NELL2: variants seen among roughly 807,000 people sequenced by gnomAD.
NELL2 encodes the protein neural EGFL like 2, also known as protein kinase C-binding protein NELL2.
Under a neutral mutation model 109.6 loss-of-function variants are expected in NELL2, and 41 were observed. That is an observed-to-expected ratio of 0.37 (90% CI 0.29 to 0.49). NELL2 has a LOEUF of 0.49. Ranked by LOEUF, NELL2 falls within the 20% of genes least tolerant of loss-of-function variation. The probability of loss-of-function intolerance (pLI) is 0.98; values close to 1 mark genes in which losing one functional copy is unlikely to be tolerated. For missense variants in NELL2, 900 were observed against 1,008.3 expected (o/e 0.89, Z 1.45); for synonymous variants, 355 against 344.7 (o/e 1.03, Z -0.33).
At chr12:44,674,206 T>C (rs1174766248) in intron 12 of NELL2, among the ~76,000 whole-genome samples, 1 of 152,168 alleles carries the variant, frequency 6.6e-6, no homozygotes, top group African/African-American at 2.4e-5. Context: ...GTGATATAAA[T>C]AATTTTCTGA....
rs200038651 is a variant in NELL2, at chr12:44,771,346, T to TTAA, written c.994+3400_994+3401insTTA. Among the ~76,000 whole-genome samples the TTAA allele has an allele frequency of 1.8e-3, 256 of 143,970 alleles. 1 individual carries two copies. The highest frequency in any genetic ancestry group is 7.3e-3 in the South Asian group (33 of 4,490). 94.4% of individuals were successfully genotyped at this position (143,970 alleles called of 152,430 possible). A position where few individuals can be genotyped will look rare whatever the true frequency, so the allele number is the denominator to read the frequency against. Reference sequence around the variant, plus strand: ...GATTAATTATAACAGATGGTTTTTTTAAAAAAAAAAAAGGAAAGCAGGCTG... The same window carrying TTAA: ...GATTAATTATAACAGATGGTTTTTTTTAAAAAAAAAAAAAAGGAAAGCAGGCTG... On this transcript the variant is annotated intron_variant, in intron 9 of 19. Coordinates refer to ENST00000429094, the MANE Select transcript of NELL2 (RefSeq NM_001145108.2).
At chr12:44,740,633 A>G (rs914355111) in intron 9 of NELL2, among the ~76,000 whole-genome samples, 10 of 152,206 alleles carry the variant, frequency 6.6e-5, no homozygotes, top group Non-Finnish European at 1.3e-4. Flanking sequence ...ATAAGGTTAA[A>G]AAGTATAAAT....
In NELL2 at chr12:44,697,024, A is replaced by G. The variant is rs1219742285; in HGVS notation, c.1318+6702T>C. The stretch of plus-strand genomic sequence containing the variant: ...GTAGGCTCTTGGAAATGGCAACTTT[A>G]AATGAAATGGCATATAACGAATGTA... On this transcript the variant is annotated intron_variant, in intron 12 of 19. Transcript: ENST00000429094. Among the ~76,000 whole-genome samples, 3 of 152,208 alleles carry G rather than the reference A, an allele frequency of 2.0e-5. No homozygotes were observed. In the East Asian group the frequency reaches 5.8e-4, roughly 29 times the overall value.
chr12:44,737,651 C>T (rs939797669), intron 9 of NELL2, among the ~76,000 whole-genome samples: 3 of 152,100 alleles, frequency 2.0e-5, no homozygotes, highest in African/African-American at 7.2e-5. Flanking sequence ...GATCAACCTG[C>T]ATCATTAAAT....
At chr12:44,753,069 T>C (rs1055501359) in intron 9 of NELL2, among the ~76,000 whole-genome samples, 1 of 152,140 alleles carries the variant, frequency 6.6e-6, no homozygotes, top group Non-Finnish European at 1.5e-5. Context: ...ATCAAGCACA[T>C]GCCTGCCCTA....
intron 16 of NELL2, among the ~76,000 whole-genome samples, chr12:44,528,223 T>G (rs989573368): frequency 6.6e-6 from 1 of 151,870 alleles, no homozygotes; most frequent in Non-Finnish European, 1.5e-5. Flanking sequence ...CAGAAGAGTT[T>G]TTTTTTGTTG....
chr12:44,760,726 C>G (rs1720013797), intron 9 of NELL2, among the ~76,000 whole-genome samples: 1 of 151,896 alleles, frequency 6.6e-6, no homozygotes, highest in Non-Finnish European at 1.5e-5. Flanking sequence ...AGATTATTAT[C>G]TCATGTACAC....
chr12:44,807,825 A>C (rs1033269003), intron 3 of NELL2, among the ~76,000 whole-genome samples: 1 of 152,058 alleles, frequency 6.6e-6, no homozygotes, highest in Non-Finnish European at 1.5e-5. Context: ...GAGAAATTGC[A>C]AGCAGGAGCA....
intron 13 of NELL2, among the ~76,000 whole-genome samples, chr12:44,652,304 CAT>C (rs1452647663): frequency 1.3e-5 from 2 of 152,152 alleles, no homozygotes; most frequent in South Asian, 2.1e-4. Context: ...GCAGATGAGA[CAT>C]GTGCTATACA....
chr12:44,873,157 T>C (rs1049738299), intron 2 of NELL2, among the ~76,000 whole-genome samples: 4 of 152,202 alleles, frequency 2.6e-5, no homozygotes, highest in African/African-American at 4.8e-5. Flanking sequence ...TGATTGGTTA[T>C]ATTAAATAAA....
chr12:44,863,031 T>C (rs1173202986), intron 2 of NELL2, among the ~76,000 whole-genome samples: 4 of 152,132 alleles, frequency 2.6e-5, no homozygotes, highest in Non-Finnish European at 4.4e-5. Flanking sequence ...GCCATGGTGG[T>C]TTGCTGCACC....
Position 44,508,937 on chromosome 12 carries a change from C to T in NELL2, c.2448G>A (p.Leu816=). 3 of 1,611,482 alleles carry T rather than the reference C, an allele frequency of 1.9e-6. No individual in the cohort carries two copies. Among genetic ancestry groups the T allele is most frequent in the Middle Eastern group, 3.3e-4 (2 of 6,024 alleles). Residue 816 remains leucine (L), a synonymous_variant, in exon 20 of 20, where the codon CTG becomes CTA. Coordinates refer to ENST00000429094, the MANE Select transcript of NELL2 (RefSeq NM_001145108.2). The stretch of plus-strand genomic sequence containing the variant: ...ATCTCCCATGAGACAGTTAACTTCA[C>T]AGTTCCTGAAGGCACTGTGGATCCA... ...CSVDPQCLQE[L]
Position 44,875,975 on chromosome 12 carries a change from T to C in NELL2, c.-106A>G. Reference sequence around the variant, plus strand: ...AAATAACGTTTGTCTCTCCTGCTGCTGCCTCGGATTTACTGATCAGTAGGA... The same window carrying C: ...AAATAACGTTTGTCTCTCCTGCTGCCGCCTCGGATTTACTGATCAGTAGGA... On this transcript the variant is annotated 5_prime_UTR_variant, in exon 1 of 20. Transcript: ENST00000429094. 1 of 1,576,036 alleles carries C rather than the reference T, an allele frequency of 6.3e-7. No individual in the cohort carries two copies. The highest frequency in any genetic ancestry group is 1.1e-5 in the South Asian group (1 of 88,320).
chr12:44,596,215 C>T (rs963434842), intron 15 of NELL2, among the ~76,000 whole-genome samples: 1 of 152,196 alleles, frequency 6.6e-6, no homozygotes, highest in Non-Finnish European at 1.5e-5. Context: ...TGTTCACACA[C>T]AAGAACTTAA....
At chr12:44,883,906 A>G (rs996118612) in intron 1 of NELL2, among the ~76,000 whole-genome samples, 1 of 151,958 alleles carries the variant, frequency 6.6e-6, no homozygotes, top group Non-Finnish European at 1.5e-5. Flanking sequence ...GGAAATAGTT[A>G]AGATAGAACA....
At chr12:44,910,588 C>T (rs1442545324) in intron 1 of NELL2, among the ~76,000 whole-genome samples, 1 of 151,830 alleles carries the variant, frequency 6.6e-6, no homozygotes, top group Non-Finnish European at 1.5e-5. Flanking sequence ...ACCACTCAGC[C>T]CAGTAATTCC....
intron 13 of NELL2, among the ~76,000 whole-genome samples, chr12:44,655,300 G>A (rs1947460013): frequency 1.3e-5 from 2 of 152,178 alleles, no homozygotes; most frequent in South Asian, 2.1e-4. Context: ...AGCTGGGCTG[G>A]AGGTTGTATA....
intron 12 of NELL2, among the ~76,000 whole-genome samples, chr12:44,668,243 G>T (rs1181979880): frequency 6.6e-6 from 1 of 152,076 alleles, no homozygotes; most frequent in African/African-American, 2.4e-5. Context: ...AGCAACCCCT[G>T]GGACAAAGGA....
Position 44,875,303 on chromosome 12 carries a change from A to T in NELL2, c.106T>A (p.Leu36Ile). 1 of 1,614,038 alleles carries T rather than the reference A, an allele frequency of 6.2e-7. No individual in the cohort carries two copies. Among genetic ancestry groups the T allele is most frequent in the South Asian group, 1.1e-5 (1 of 91,068 alleles). ...PSLQIDVLTE[L>I]ELGESTTGVR... ...CCGGTCGTGGACTCCCCAAGTTCTA[A>T]CTCTGTTAAGACGTCAATCTGTAGG... Residue 36 changes from leucine to isoleucine, a missense_variant, in exon 2 of 20, where the codon TTA (leucine) becomes ATA (isoleucine). Coordinates refer to ENST00000429094, the MANE Select transcript of NELL2 (RefSeq NM_001145108.2).
Sources: gnomAD v4.1 joint callset for allele counts (sites outside exome capture counted in the v4.1 genomes callset) on GRCh38, gnomAD v4.1.1 for gene constraint, MANE v1.5 for transcripts, NCBI Gene and HGNC (gene_info 2026-07-23, HGNC 2026-07-21) for gene names.